Variants in MYH10 observed in about 807,000 individuals in gnomAD.
The protein encoded by MYH10 is myosin heavy chain 10, also known as myosin-10.
A neutral mutation model predicts 257.8 loss-of-function variants in MYH10; 55 were observed. The observed-to-expected ratio is 0.21, with a 90% CI of 0.17 to 0.27. MYH10 has a LOEUF of 0.27. MYH10 is among the 10% of genes least tolerant of loss of function. The pLI is 1.00. For missense variants in MYH10, 1,631 were observed against 2,500.6 expected (o/e 0.65, Z 7.42); for synonymous variants, 854 against 921.7 (o/e 0.93, Z 1.33).
chr17:8,546,423 C>A, intron 12 of MYH10, 121 bp downstream of exon 12: 1 of 743,958 alleles, frequency 1.3e-6, no homozygotes, highest in South Asian at 2.5e-5. Context: ...CATTTAGTAC[C>A]TAAAAACACC....
chr17:8,554,771 G>A (rs1264247753), intron 7 of MYH10, among the ~76,000 whole-genome samples: 1 of 152,178 alleles, frequency 6.6e-6, no homozygotes, highest in Non-Finnish European at 1.5e-5. Context: ...CCAATACGGT[G>A]AAACCCCGTC....
intron 1 of MYH10, among the ~76,000 whole-genome samples, chr17:8,629,153 T>C (rs2085795900): frequency 6.6e-6 from 1 of 152,154 alleles, no homozygotes; most frequent in Admixed American, 6.5e-5. Context: ...AAATAGATTA[T>C]AAAGTTTTCC....
At chr17:8,493,228 C>G (rs1014960568) in intron 32 of MYH10, among the ~76,000 whole-genome samples, 1 of 152,092 alleles carries the variant, frequency 6.6e-6, no homozygotes, top group Admixed American at 6.5e-5. Context: ...TCTGTAGTCT[C>G]GGCTACTGGG....
intron 14 of MYH10, among the ~76,000 whole-genome samples, chr17:8,538,660 A>C (rs987373879): frequency 1.3e-5 from 2 of 152,218 alleles, no homozygotes; most frequent in Non-Finnish European, 1.5e-5. Context: ...GGCAGGGAAT[A>C]AAGGGTCCAC....
rs11420469 is a variant in MYH10 at position 8,531,556 on chromosome 17, C to CTT, written c.1895-873_1895-872dup. Reference sequence around the variant, plus strand: ...CACAAACTCTACTTTTTTTCTTTTTCTTTTTTTTTTTTTCAGTTGAGACAG... The same window carrying CTT: ...CACAAACTCTACTTTTTTTCTTTTTCTTTTTTTTTTTTTTTCAGTTGAGACAG... On this transcript the variant is annotated intron_variant, in intron 16 of 42. Coordinates refer to ENST00000360416, the MANE Select transcript of MYH10 (RefSeq NM_001256012.3). 8.2e-3 allele frequency among the ~76,000 whole-genome samples: 1,180 copies of CTT among 143,758 alleles called. 44 individuals carry two copies. Among genetic ancestry groups the CTT allele is most frequent in the Admixed American group, 0.072 (1,031 of 14,342 alleles). The allele number at this position is 143,758 out of a possible 152,430, so 94.3% of individuals were successfully genotyped here. A position where few individuals can be genotyped will look rare whatever the true frequency, so the allele number is the denominator to read the frequency against.
intron 34 of MYH10, among the ~76,000 whole-genome samples, chr17:8,491,498 G>T (rs960211325): frequency 1.3e-5 from 2 of 152,190 alleles, no homozygotes; most frequent in African/African-American, 4.8e-5. Flanking sequence ...TGGCCAGATG[G>T]CCCATAGCAC....
chr17:8,536,090 T>C (rs1185168586), intron 14 of MYH10, among the ~76,000 whole-genome samples, 159 bp from the exon 15 acceptor site: 2 of 152,312 alleles, frequency 1.3e-5, no homozygotes, highest in Admixed American at 6.5e-5. Context: ...AAGTTTATAA[T>C]TCAAACACTG....
chr17:8,479,379 G>A (rs1390940384), intron 40 of MYH10, among the ~76,000 whole-genome samples: 1 of 152,204 alleles, frequency 6.6e-6, no homozygotes, highest in Non-Finnish European at 1.5e-5. Flanking sequence ...AAGTTATTTT[G>A]TTGCTTAACA....
intron 17 of MYH10, chr17:8,521,599 A>T (rs1198342251): frequency 2.2e-5 from 7 of 314,174 alleles, no homozygotes; most frequent in Non-Finnish European, 3.0e-5. Flanking sequence ...ATTATTTGGA[A>T]AATGAAAACT....
In MYH10 at chr17:8,623,261, T is replaced by C. The variant is rs755190920; in HGVS notation, c.-15A>G. ...CTCTGCGCCATTGTAAATGGAACGA[T>C]CCAAAAGCAATTGCCTCTAAGAGAA... On this transcript the variant is annotated 5_prime_UTR_variant, in exon 2 of 43. Coordinates refer to ENST00000360416, the MANE Select transcript of MYH10 (RefSeq NM_001256012.3). The C allele has an allele frequency of 6.4e-7, 1 of 1,556,668 alleles. No individual in the cohort carries two copies.
chr17:8,627,001 C>A (rs2152114752), intron 1 of MYH10, among the ~76,000 whole-genome samples: 1 of 152,222 alleles, frequency 6.6e-6, no homozygotes, highest in Middle Eastern at 3.4e-3. Flanking sequence ...CAAATTGGGA[C>A]ATCTTACATA....
At chr17:8,576,095 A>T (rs2083487835) in intron 6 of MYH10, among the ~76,000 whole-genome samples, 1 of 152,216 alleles carries the variant, frequency 6.6e-6, no homozygotes, top group African/African-American at 2.4e-5. Context: ...CTTCTGTCTC[A>T]GCCTCCCAAA....
intron 3 of MYH10, among the ~76,000 whole-genome samples, chr17:8,601,469 T>C (rs1463830976): frequency 6.6e-6 from 1 of 152,232 alleles, no homozygotes; most frequent in Non-Finnish European, 1.5e-5. Context: ...AGCACTTTTA[T>C]CTGAACACCT....
rs1287339489 is a variant in MYH10 at position 8,490,769 on chromosome 17, T to C, written c.4672-217A>G. ...GCAGTTCAGAACTACAGTGCGGATG[T>C]CTTTATTCCCACGTGTTCTCTGGTC... is the stretch of plus-strand genomic sequence containing the variant. On this transcript the variant is annotated intron_variant, in intron 34 of 42. Transcript: ENST00000360416. The surrounding 1 kb of genome is among the most constrained non-coding windows in gnomAD (Gnocchi z 4.1). 6.6e-6 allele frequency among the ~76,000 whole-genome samples: 1 copy of C among 152,196 alleles called. No homozygotes were observed. Among genetic ancestry groups the C allele is most frequent in the Non-Finnish European group, 1.5e-5 (1 of 68,020 alleles).
In MYH10 at chr17:8,626,578, A is replaced by AAATAATAATAAT. The variant is rs56176665; in HGVS notation, c.-31-3313_-31-3302dup. On this transcript the variant is annotated intron_variant, in intron 1 of 42. Transcript: ENST00000360416. ...TGAGACTCTGTCTCAAAATAATAATAAATAATAATAATAATAATAATAATA... is the reference window on the plus strand; with the variant it reads ...TGAGACTCTGTCTCAAAATAATAATAAATAATAATAATAATAATAATAATAATAATAATAATA... Among the ~76,000 whole-genome samples, 773 of 140,166 alleles carry AAATAATAATAAT rather than the reference A, an allele frequency of 5.5e-3. 3 individuals carry two copies. Among genetic ancestry groups the AAATAATAATAAT allele is most frequent in the South Asian group, 0.017 (73 of 4,400 alleles). The allele number at this position is 140,166 out of a possible 152,430, so 92.0% of individuals were successfully genotyped here.
chr17:8,591,934 C>A (rs2084158097), intron 3 of MYH10, among the ~76,000 whole-genome samples: 1 of 152,222 alleles, frequency 6.6e-6, no homozygotes, highest in African/African-American at 2.4e-5. Flanking sequence ...CAACTCCCCA[C>A]CTCTGCTTCA....
At chr17:8,481,276 G>T (rs199670475) in intron 38 of MYH10, 46 bp downstream of exon 38, 2 of 1,574,438 alleles carry the variant, frequency 1.3e-6, no homozygotes, top group Non-Finnish European at 1.7e-6. Context: ...TCAGCAGTGC[G>T]CGTGCCTGAG....
intron 2 of MYH10, among the ~76,000 whole-genome samples, chr17:8,618,900 T>C (rs1248318482): frequency 6.6e-6 from 1 of 152,226 alleles, no homozygotes; most frequent in Non-Finnish European, 1.5e-5. Flanking sequence ...ATTTTACCAT[T>C]GGCAACAAAT....
At chr17:8,518,512 A>G (rs974319796) in intron 21 of MYH10, 119 bp downstream of exon 21, 3 of 1,096,306 alleles carry the variant, frequency 2.7e-6, no homozygotes, top group South Asian at 3.1e-5. Context: ...GCCACTATAA[A>G]GCAACTTCTG....
Sources: allele counts gnomAD v4.1 joint callset (sites outside exome capture counted in the v4.1 genomes callset), GRCh38; gene constraint gnomAD v4.1.1; non-coding constraint Gnocchi (gnomAD v3.1); transcripts MANE v1.5; gene names NCBI Gene and HGNC (gene_info 2026-07-23, HGNC 2026-07-21).